NFX1: variants seen among roughly 807,000 people sequenced by gnomAD.
NFX1 encodes the protein nuclear transcription factor, X-box binding 1.
NFX1 carries 69 observed loss-of-function variants against 137.2 expected under a neutral mutation model. The observed-to-expected ratio is 0.50, with a 90% CI of 0.41 to 0.61. The LOEUF (loss-of-function observed/expected upper bound fraction) is 0.61, where lower values mean the gene tolerates loss of function less well. NFX1 is among the 20% of genes least tolerant of loss of function. The pLI, the probability that NFX1 is intolerant of heterozygous loss-of-function variation, is 0.00. For missense variants in NFX1, 1,167 were observed against 1,391.0 expected (o/e 0.84, Z 2.56); for synonymous variants, 495 against 474.1 (o/e 1.04, Z -0.57).
chr9:33,319,086 G>A lies in NFX1; in HGVS notation c.1865G>A (p.Cys622Tyr), dbSNP rs748101287. The A allele has an allele frequency of 6.2e-7, 1 of 1,614,238 alleles. No individual in the cohort carries two copies. Among genetic ancestry groups the A allele is most frequent in the Non-Finnish European group, 8.5e-7 (1 of 1,180,052 alleles). The part of the protein sequence containing the change: ...RKTCMDPVPS[C>Y]GKVCGKPLPC... ...ACATGCATGGACCCTGTGCCTTCAT[G>A]TGGAAAAGTGTGCGGCAAGCCTCTG... Residue 622 changes from cysteine (C) to tyrosine (Y), a missense_variant, in exon 9 of 24, where the codon TGT (cysteine) becomes TAT (tyrosine). Physicochemically the swap from Cys to Tyr is radical, Grantham distance 194. Coordinates refer to ENST00000379540, the MANE Select transcript of NFX1 (RefSeq NM_002504.6).
At chr9:33,292,622 T>G (rs1378213643) in intron 1 of NFX1, among the ~76,000 whole-genome samples, 3 of 152,228 alleles carry the variant, frequency 2.0e-5, no homozygotes, top group Non-Finnish European at 4.4e-5. Context: ...TGTGTCCTGT[T>G]TCCCTTCCTC....
At chr9:33,366,487 G>A in intron 21 of NFX1, 142 bp from the exon 22 acceptor site, 1 of 933,408 alleles carries the variant, frequency 1.1e-6, no homozygotes, top group East Asian at 2.6e-5. Context: ...AGGCTTGCTT[G>A]GCAGTTAGTA....
chr9:33,291,644 C>G (rs561690582), intron 1 of NFX1, among the ~76,000 whole-genome samples: 5 of 152,256 alleles, frequency 3.3e-5, no homozygotes, highest in Non-Finnish European at 2.9e-5. Context: ...TGGCTCACGC[C>G]TGTAATCCTA....
intron 7 of NFX1, among the ~76,000 whole-genome samples, chr9:33,317,755 C>G (rs1269937081): frequency 1.3e-5 from 2 of 151,582 alleles, no homozygotes; most frequent in Non-Finnish European, 2.9e-5. Context: ...GCAGGTGGAT[C>G]ACCTGAGCTC....
At chr9:33,312,925 G>T (rs1208127772) in intron 6 of NFX1, among the ~76,000 whole-genome samples, 1 of 152,170 alleles carries the variant, frequency 6.6e-6, no homozygotes, top group Non-Finnish European at 1.5e-5. Context: ...GCAAAATCAG[G>T]ATGTTTATTA....
chr9:33,356,436 C>T (rs764618587), intron 19 of NFX1, among the ~76,000 whole-genome samples: 8 of 152,004 alleles, frequency 5.3e-5, no homozygotes, highest in Non-Finnish European at 1.0e-4. Context: ...TTTTTACTCT[C>T]TTGATGCCTT....
At chr9:33,350,912 A>G (rs1823612172) in intron 15 of NFX1, among the ~76,000 whole-genome samples, 1 of 151,996 alleles carries the variant, frequency 6.6e-6, no homozygotes, top group African/African-American at 2.4e-5. Flanking sequence ...TTGGGAGGCC[A>G]AGGCAAGTGG....
intron 9 of NFX1, among the ~76,000 whole-genome samples, chr9:33,325,181 C>T (rs748058720): frequency 6.6e-6 from 1 of 152,166 alleles, no homozygotes; most frequent in Non-Finnish European, 1.5e-5. Flanking sequence ...AAGAGATCCA[C>T]ATCTAGACAT....
At chr9:33,330,678 C>T (rs1236560753) in intron 10 of NFX1, among the ~76,000 whole-genome samples, 1 of 152,180 alleles carries the variant, frequency 6.6e-6, no homozygotes, top group Non-Finnish European at 1.5e-5. Context: ...CACAATCCCT[C>T]TTTCTATCTC....
At chr9:33,303,076 A>G in intron 3 of NFX1, 115 bp from the exon 4 acceptor site, 1 of 769,114 alleles carries the variant, frequency 1.3e-6, no homozygotes. Flanking sequence ...TATGCTTAAC[A>G]TTGAAATTAT....
rs192997787 is a variant in NFX1, at chr9:33,297,939, C to T, written c.1033+2512C>T. Among the ~76,000 whole-genome samples, 271 of 152,314 alleles carry T rather than the reference C, an allele frequency of 1.8e-3. 1 individual carries two copies. Among genetic ancestry groups the T allele is most frequent in the African/African-American group, 5.6e-3 (232 of 41,566 alleles). On this transcript the variant is annotated intron_variant, in intron 2 of 23. Transcript: ENST00000379540. The stretch of plus-strand genomic sequence containing the variant: ...GGGAGGTGGGAATCTGGAAGACCAT[C>T]TTAGAATTCTATTTAACAAATCTCT...
At position 33,301,390 on chromosome 9, in the gene NFX1, G is replaced by C. The variant is rs777898995; in HGVS notation, c.1161G>C (p.Lys387Asn). Residue 387 changes from lysine to asparagine, a missense_variant, in exon 3 of 24, where the codon AAG (lysine) becomes AAC (asparagine). Lys to Asn is a moderately conservative substitution (Grantham distance 94, BLOSUM62 0). Coordinates refer to ENST00000379540, the MANE Select transcript of NFX1 (RefSeq NM_002504.6). The stretch of plus-strand genomic sequence containing the variant: ...ATGTGTTTCATTTGAACTGCATAAA[G>C]AAATGGGCAAGGTCTCCAGCATCTC... Reference protein sequence around the residue: ...CYHVFHLNCIKKWARSPASQA... With the variant: ...CYHVFHLNCINKWARSPASQA... The C allele has an allele frequency of 5.3e-5, 85 of 1,613,982 alleles. No homozygotes were observed. The highest frequency in any genetic ancestry group is 3.2e-5 in the Non-Finnish European group (38 of 1,180,014).
chr9:33,312,126 A>T (rs1363633632), intron 6 of NFX1, among the ~76,000 whole-genome samples: 5 of 152,220 alleles, frequency 3.3e-5, no homozygotes, highest in Non-Finnish European at 5.9e-5. Context: ...TTTGAACCAC[A>T]GGATGAGATG....
chr9:33,322,908 G>A (rs939601988), intron 9 of NFX1, among the ~76,000 whole-genome samples: 12 of 152,216 alleles, frequency 7.9e-5, no homozygotes, highest in Admixed American at 6.5e-4. Context: ...GGGAAAGGTA[G>A]CTAAGAGGAG....
intron 8 of NFX1, 25 bp from the exon 9 acceptor site, chr9:33,318,885 A>G (rs1564116635): frequency 6.2e-7 from 1 of 1,614,154 alleles, no homozygotes; most frequent in Non-Finnish European, 8.5e-7. Context: ...TGCAACAATT[A>G]TGTAATAGTG....
chr9:33,295,712 G>A (rs1380072212), intron 2 of NFX1, among the ~76,000 whole-genome samples: 2 of 152,158 alleles, frequency 1.3e-5, no homozygotes, highest in Non-Finnish European at 2.9e-5. Context: ...AATACGGGTG[G>A]TGTAGATGTC....
chr9:33,369,911 C>G lies in NFX1; in HGVS notation c.3296C>G (p.Pro1099Arg). 7.4e-6 allele frequency: 12 copies of G among 1,612,878 alleles called. No individual in the cohort carries two copies. Among genetic ancestry groups the G allele is most frequent in the Non-Finnish European group, 7.6e-6 (9 of 1,179,042 alleles). ...PHHRHQSDKN[P>R]GSSNLQKITK... ...ATTCTTTGTTTGTTTTTCAGGAATC[C>G]TGGGAGCAGTAATTTACAGAAAATA... Residue 1099 changes from proline to arginine, a missense_variant, in exon 24 of 24, where the codon CCT becomes CGT. Pro to Arg is a moderately radical substitution (Grantham distance 103). Transcript: ENST00000379540.
chr9:33,363,694 A>G (rs1824082822), intron 19 of NFX1, among the ~76,000 whole-genome samples: 2 of 152,166 alleles, frequency 1.3e-5, no homozygotes, highest in African/African-American at 4.8e-5. Flanking sequence ...TCTTTAAACA[A>G]AGCCTCAGAG....
In NFX1 at chr9:33,307,268, C is replaced by G; in HGVS notation, c.1345C>G (p.Pro449Ala). ...TGGTGAGGTTTGTAGAAAGAAACAGCCTGGCCAGGACTGCCCACATTCCTG... is the reference window on the plus strand; with the variant it reads ...TGGTGAGGTTTGTAGAAAGAAACAGGCTGGCCAGGACTGCCCACATTCCTG... ...SCGEVCRKKQ[P>A]GQDCPHSCNL... Residue 449 changes from proline (P) to alanine (A), a missense_variant, in exon 5 of 24, where the codon CCT becomes GCT. Physicochemically the swap from Pro to Ala is conservative, Grantham distance 27. Around this residue, in one of 3 missense-constraint regions of NFX1, gnomAD observed 488 missense variants for 691.5 expected, o/e 0.71. Coordinates refer to ENST00000379540, the MANE Select transcript of NFX1 (RefSeq NM_002504.6). The G allele has an allele frequency of 6.2e-7, 1 of 1,614,070 alleles. No individual in the cohort carries two copies. Among genetic ancestry groups the G allele is most frequent in the Non-Finnish European group, 8.5e-7 (1 of 1,179,950 alleles).
Sources: allele counts gnomAD v4.1 joint callset (sites outside exome capture counted in the v4.1 genomes callset), GRCh38; gene constraint gnomAD v4.1.1; regional missense constraint gnomAD v4.1.1; transcripts MANE v1.5; gene names NCBI Gene and HGNC (gene_info 2026-07-23, HGNC 2026-07-21).